Variants in SEMA3A observed in about 807,000 individuals in gnomAD.
The protein encoded by SEMA3A is semaphorin-3A.
In SEMA3A, 29 loss-of-function variants were observed where a neutral mutation model predicts 97.9. The observed-to-expected ratio is 0.30, with a 90% CI of 0.22 to 0.40. The LOEUF is 0.40. SEMA3A is among the 10% of genes least tolerant of loss of function. SEMA3A has a pLI of 1.00. For missense variants in SEMA3A, 763 were observed against 951.3 expected (o/e 0.80, Z 2.60); for synonymous variants, 321 against 323.7 (o/e 0.99, Z 0.09).
chr7:84,301,239 T>C (rs1801010967), intron 3 of SEMA3A, among the ~76,000 whole-genome samples: 1 of 151,984 alleles, frequency 6.6e-6, no homozygotes, highest in Admixed American at 6.6e-5. Context: ...GAAAAACATA[T>C]TGTACTTCAT....
chr7:84,287,584 T>C (rs1460100300), intron 3 of SEMA3A, among the ~76,000 whole-genome samples: 1 of 152,176 alleles, frequency 6.6e-6, no homozygotes, highest in Non-Finnish European at 1.5e-5. Flanking sequence ...ATTCAATTTG[T>C]TTAATTTTTT....
intron 14 of SEMA3A, among the ~76,000 whole-genome samples, chr7:83,979,924 C>A (rs1033634974): frequency 1.8e-4 from 28 of 152,022 alleles, no homozygotes; most frequent in Admixed American, 4.6e-4. Flanking sequence ...GTAGGACATA[C>A]CTCATTAGCT....
intron 3 of SEMA3A, among the ~76,000 whole-genome samples, chr7:84,113,425 T>C (rs1171178953): frequency 6.6e-6 from 1 of 152,156 alleles, no homozygotes; most frequent in Non-Finnish European, 1.5e-5. Flanking sequence ...GACATTCCTC[T>C]AAAAAAGAAG....
chr7:84,478,069 G>C (rs1472860091), intron 1 of SEMA3A, among the ~76,000 whole-genome samples: 1 of 152,166 alleles, frequency 6.6e-6, no homozygotes. Flanking sequence ...TTATTCCAGT[G>C]AGATTTCACA....
At chr7:83,995,332 G>A (rs779170854) in intron 12 of SEMA3A, among the ~76,000 whole-genome samples, 1 of 151,990 alleles carries the variant, frequency 6.6e-6, no homozygotes, top group South Asian at 2.1e-4. Context: ...GGCCATCTTG[G>A]CTCCTCCCCC....
intron 1 of SEMA3A, among the ~76,000 whole-genome samples, chr7:84,488,838 A>G (rs970587894): frequency 6.6e-6 from 1 of 152,160 alleles, no homozygotes; most frequent in Non-Finnish European, 1.5e-5. Flanking sequence ...ATTCCAACAA[A>G]TTCATTTTGG....
intron 1 of SEMA3A, among the ~76,000 whole-genome samples, chr7:84,403,083 C>T (rs1803953078): frequency 6.6e-6 from 1 of 151,988 alleles, no homozygotes; most frequent in Non-Finnish European, 1.5e-5. Context: ...GTGCATGAGC[C>T]AAAGCAGGAT....
chr7:84,086,517 T>TGC (rs1794361943), intron 4 of SEMA3A, among the ~76,000 whole-genome samples: 1 of 52,342 alleles, frequency 1.9e-5, no homozygotes, highest in African/African-American at 3.9e-5. Context: ...ATATTATATT[T>TGC]ATATATAATA....
intron 4 of SEMA3A, among the ~76,000 whole-genome samples, chr7:84,075,525 C>G (rs954171997): frequency 2.1e-5 from 3 of 143,142 alleles, no homozygotes; most frequent in African/African-American, 5.3e-5. Context: ...ATGGTGCAGT[C>G]TTGGCTCACT....
intron 1 of SEMA3A, among the ~76,000 whole-genome samples, chr7:84,181,150 A>ATG (rs1379298305): frequency 1.3e-5 from 2 of 151,732 alleles, no homozygotes; most frequent in Admixed American, 1.3e-4. Context: ...AATTTTGTAT[A>ATG]TGTGTGTATG....
intron 6 of SEMA3A, among the ~76,000 whole-genome samples, chr7:84,025,480 C>T (rs1791512733): frequency 1.3e-5 from 2 of 152,128 alleles, no homozygotes; most frequent in Admixed American, 1.3e-4. Flanking sequence ...GGGAATGCAA[C>T]ATAAGGTCAT....
intron 4 of SEMA3A, among the ~76,000 whole-genome samples, chr7:84,102,671 C>T (rs573272039): frequency 3.4e-5 from 5 of 148,206 alleles, no homozygotes; most frequent in Admixed American, 2.8e-4. Context: ...ACCTCGGCCT[C>T]CCGGGTTCAA....
chr7:84,091,141 AAGGAAG>A lies in SEMA3A; in HGVS notation c.453+19323_453+19328del, dbSNP rs1562774088. Among the ~76,000 whole-genome samples the A allele has an allele frequency of 6.0e-4, 14 of 23,408 alleles. 1 individual carries two copies. Among genetic ancestry groups the A allele is most frequent in the South Asian group, 1.3e-3 (1 of 748 alleles). The allele number at this position is 23,408 out of a possible 152,430, so 15.4% of individuals were successfully genotyped here. A position where few individuals can be genotyped will look rare whatever the true frequency, so the allele number is the denominator to read the frequency against. ...AAGAAAAAGAAAGAAAGAAAGAAGG[AAGGAAG>A]GAAGGAAGGAAGGAAGGAAGGAAAG... On this transcript the variant is annotated intron_variant, in intron 4 of 16. Coordinates refer to ENST00000265362, the MANE Select transcript of SEMA3A (RefSeq NM_006080.3).
intron 3 of SEMA3A, among the ~76,000 whole-genome samples, chr7:84,117,395 G>C (rs1292830298): frequency 6.6e-6 from 1 of 152,140 alleles, no homozygotes; most frequent in African/African-American, 2.4e-5. Flanking sequence ...AGAAATTGGG[G>C]TAGTTACTTG....
chr7:84,236,074 A>G (rs959613971), intron 3 of SEMA3A, among the ~76,000 whole-genome samples: 2 of 152,118 alleles, frequency 1.3e-5, no homozygotes, highest in East Asian at 3.9e-4. Flanking sequence ...GCCTGATGTC[A>G]CCTCAAATTG....
rs1047951743 is a variant in SEMA3A at position 84,079,323 on chromosome 7, A to C, written c.454-18765T>G. Among the ~76,000 whole-genome samples, 12 of 151,670 alleles carry C rather than the reference A, an allele frequency of 7.9e-5. 1 individual carries two copies. Among genetic ancestry groups the C allele is most frequent in the South Asian group, 6.3e-4 (3 of 4,794 alleles). ...ACTTCATGTCTAAAACACCAAAAGC[A>C]ATGGCAACAAAAGACAAAATTGACA... On this transcript the variant is annotated intron_variant, in intron 4 of 16. Transcript: ENST00000265362.
At chr7:84,101,792 C>T (rs977350593) in intron 4 of SEMA3A, among the ~76,000 whole-genome samples, 19 of 152,096 alleles carry the variant, frequency 1.2e-4, no homozygotes, top group African/African-American at 3.6e-4. Context: ...CTGTCCTATA[C>T]GGGAGCTACT....
chr7:84,177,301 A>T (rs1411216782), intron 1 of SEMA3A, among the ~76,000 whole-genome samples: 1 of 152,132 alleles, frequency 6.6e-6, no homozygotes, highest in African/African-American at 2.4e-5. Context: ...CAACATAAAC[A>T]TAGGTTACTT....
At chr7:84,104,645 T>A (rs1394242674) in intron 4 of SEMA3A, among the ~76,000 whole-genome samples, 1 of 152,158 alleles carries the variant, frequency 6.6e-6, no homozygotes, top group Non-Finnish European at 1.5e-5. Flanking sequence ...TTTTGAAATT[T>A]TTTTATTGTT....
Sources: gnomAD v4.1 joint callset for allele counts (sites outside exome capture counted in the v4.1 genomes callset) on GRCh38, gnomAD v4.1.1 for gene constraint, MANE v1.5 for transcripts, NCBI Gene and HGNC (gene_info 2026-07-23, HGNC 2026-07-21) for gene names.